The following ATG13 variants were observed in gnomAD, a reference collection of about 807,000 sequenced individuals.
The protein encoded by ATG13 is autophagy related 13.
A neutral mutation model predicts 65.5 loss-of-function variants in ATG13; 23 were observed. The observed-to-expected ratio is 0.35, with a 90% CI of 0.25 to 0.50. The LOEUF is 0.50. Among genes scored for constraint, ATG13 ranks in the 20% least tolerant of loss-of-function variants. The pLI, the probability that ATG13 is intolerant of heterozygous loss-of-function variation, is 0.98. For synonymous variants in ATG13, 252 were observed against 245.2 expected, an observed-to-expected ratio of 1.03 and a Z score of -0.26; for missense variants, 566 against 677.0, an observed-to-expected ratio of 0.84 and a Z score of 1.82.
intron 5 of ATG13, among the ~76,000 whole-genome samples, chr11:46,648,004 T>C (rs1298191894): frequency 6.6e-6 from 1 of 152,168 alleles, no homozygotes; most frequent in Non-Finnish European, 1.5e-5. Flanking sequence ...TGATAGATTA[T>C]AAGGCTGTAT....
intron 1 of ATG13, among the ~76,000 whole-genome samples, chr11:46,627,939 G>C (rs934965205): frequency 6.6e-6 from 1 of 152,010 alleles, no homozygotes; most frequent in African/African-American, 2.4e-5. Flanking sequence ...CAAAAAATTA[G>C]CTGGGTGTGG....
intron 2 of ATG13, among the ~76,000 whole-genome samples, chr11:46,636,188 A>AT (rs896891409): frequency 6.6e-5 from 10 of 152,196 alleles, no homozygotes; most frequent in African/African-American, 2.4e-4. Context: ...TATTCCAATA[A>AT]TTATTTCCTC....
intron 8 of ATG13, 114 bp from the exon 9 acceptor site, chr11:46,656,981 T>C (rs1439802598): frequency 1.2e-6 from 1 of 850,016 alleles, no homozygotes; most frequent in South Asian, 1.4e-5. Flanking sequence ...CTTAACATGC[T>C]AAGTGGATAA....
intron 1 of ATG13, among the ~76,000 whole-genome samples, chr11:46,623,262 C>G (rs1464540029): frequency 6.6e-6 from 1 of 151,976 alleles, no homozygotes; most frequent in African/African-American, 2.4e-5. Context: ...CCACTGCACT[C>G]CAGTCTGGGC....
At position 46,649,158 on chromosome 11, in the gene ATG13, A is replaced by G; in HGVS notation, c.292A>G (p.Ile98Val). The G allele has an allele frequency of 1.2e-6, 2 of 1,613,330 alleles. No homozygotes were observed. Among genetic ancestry groups the G allele is most frequent in the Admixed American group, 1.7e-5 (1 of 59,952 alleles). Residue 98 changes from isoleucine (I) to valine (V), a missense_variant, in exon 6 of 19, where the codon ATA (isoleucine) becomes GTA (valine). Physicochemically the swap from Ile to Val is conservative, Grantham distance 29. Around this residue, in one of 2 missense-constraint regions of ATG13, gnomAD observed 179 missense variants for 267.2 expected, o/e 0.67. Coordinates refer to ENST00000683050, the MANE Select transcript of ATG13 (RefSeq NM_001346311.2). The part of the protein sequence containing the change: ...TSEGDSMELE[I>V]WCLEMNEKCD... ...ACAGGGAGATTCCATGGAGCTGGAA[A>G]TATGGTGTCTTGAAATGAATGAAAA...
intron 1 of ATG13, among the ~76,000 whole-genome samples, chr11:46,623,744 A>G (rs1040277877): frequency 1.3e-5 from 2 of 151,784 alleles, no homozygotes; most frequent in Non-Finnish European, 2.9e-5. Context: ...TAGTTTTTTT[A>G]TTTGTTAATT....
In ATG13 at chr11:46,650,162, C is replaced by G; in HGVS notation, c.318-15C>G. The G allele has an allele frequency of 6.2e-7, 1 of 1,612,650 alleles. No homozygotes were observed. The highest frequency in any genetic ancestry group is 8.5e-7 in the Non-Finnish European group (1 of 1,179,000). On this transcript the variant is annotated splice_polypyrimidine_tract_variant and intron_variant, in intron 6 of 18. Transcript: ENST00000683050. ...CTAAATAGAAGAATGCTGACCATAT[C>G]TTTGTGCCTGGCAGGTGTGATAAAG... is the stretch of plus-strand genomic sequence containing the variant.
intron 1 of ATG13, among the ~76,000 whole-genome samples, chr11:46,621,315 A>G (rs2047435393): frequency 6.6e-6 from 1 of 152,050 alleles, no homozygotes; most frequent in South Asian, 2.1e-4. Context: ...GCCCAGCCAT[A>G]TTTGTTTATT....
chr11:46,665,539 C>A lies in ATG13; in HGVS notation c.1136+20C>A, dbSNP rs751472075. The A allele has an allele frequency of 1.2e-6, 2 of 1,613,458 alleles. No individual in the cohort carries two copies. Among genetic ancestry groups the A allele is most frequent in the Admixed American group, 3.3e-5 (2 of 59,934 alleles). On this transcript the variant is annotated intron_variant, in intron 14 of 18. Coordinates refer to ENST00000683050, the MANE Select transcript of ATG13 (RefSeq NM_001346311.2). The stretch of plus-strand genomic sequence containing the variant: ...CAGTAGGTGAGTTCACATTTTGGCT[C>A]TGTCTCTGGTAAGGCTGGCCAGGGG...
Position 46,672,604 on chromosome 11 carries a change from G to A in ATG13, c.*272G>A. On this transcript the variant is annotated 3_prime_UTR_variant, in exon 19 of 19. Coordinates refer to ENST00000683050, the MANE Select transcript of ATG13 (RefSeq NM_001346311.2). Reference sequence around the variant, plus strand: ...GAAAAAGCCCTCAGCAGGGCCATCTGTGTGCCCTGCCCATCACCAACTGCT... The same window carrying A: ...GAAAAAGCCCTCAGCAGGGCCATCTATGTGCCCTGCCCATCACCAACTGCT... 2.1e-6 allele frequency: 3 copies of A among 1,422,816 alleles called. No individual in the cohort carries two copies. The allele number at this position is 1,422,816 out of a possible 1,614,324, so 88.1% of individuals were successfully genotyped here.
intron 17 of ATG13, 131 bp downstream of exon 17, chr11:46,669,041 G>T: frequency 1.2e-6 from 1 of 814,090 alleles, no homozygotes; most frequent in Non-Finnish European, 2.0e-6. Context: ...ATGGACAGGT[G>T]GAGTCTGGTC....
In ATG13 at chr11:46,632,717, G is replaced by GC. The variant is rs1565445755; in HGVS notation, c.-14+2621dup. On this transcript the variant is annotated intron_variant, in intron 2 of 18. Transcript: ENST00000683050. Reference sequence around the variant, plus strand: ...TGGCAGTAGAACCACAAAACCACTTGCCCCTGTGGTAGAGAAGGATGTGTG... The same window carrying GC: ...TGGCAGTAGAACCACAAAACCACTTGCCCCCTGTGGTAGAGAAGGATGTGTG... 2.0e-5 allele frequency among the ~76,000 whole-genome samples: 3 copies of GC among 152,176 alleles called. 1 individual carries two copies. Among genetic ancestry groups the GC allele is most frequent in the Admixed American group, 2.0e-4 (3 of 15,280 alleles).
At chr11:46,661,924 A>G (rs2061308722) in intron 11 of ATG13, among the ~76,000 whole-genome samples, 1 of 152,208 alleles carries the variant, frequency 6.6e-6, no homozygotes, top group Non-Finnish European at 1.5e-5. Flanking sequence ...ATGGATCACT[A>G]TTGTTTCTAT....
intron 3 of ATG13, among the ~76,000 whole-genome samples, 162 bp downstream of exon 3, chr11:46,644,522 G>A (rs1313205075): frequency 6.6e-6 from 1 of 151,740 alleles, no homozygotes; most frequent in Non-Finnish European, 1.5e-5. Flanking sequence ...GTATGGGGGC[G>A]GTATTGGGGG....
At chr11:46,645,493 A>C in intron 4 of ATG13, 74 bp downstream of exon 4, 1 of 1,183,868 alleles carries the variant, frequency 8.4e-7, no homozygotes, top group South Asian at 1.3e-5. Context: ...CTCAAGTGCA[A>C]TAATAAGTAA....
intron 7 of ATG13, among the ~76,000 whole-genome samples, chr11:46,655,919 A>G (rs1302249565): frequency 2.0e-5 from 3 of 152,106 alleles, no homozygotes; most frequent in South Asian, 2.1e-4. Context: ...TTTTTTGTCA[A>G]TGCAGGGTCT....
At chr11:46,649,316 G>C (rs2058427426) in intron 6 of ATG13, 133 bp downstream of exon 6, 2 of 969,380 alleles carry the variant, frequency 2.1e-6, no homozygotes, top group Non-Finnish European at 3.0e-6. Flanking sequence ...ATAGGTCTTT[G>C]CTACAATTTG....
intron 2 of ATG13, among the ~76,000 whole-genome samples, chr11:46,642,351 G>A (rs1360420231): frequency 2.1e-5 from 3 of 140,938 alleles, no homozygotes; most frequent in Non-Finnish European, 4.5e-5. Context: ...TGCCACCCAG[G>A]CTGGAGTGCA....
At chr11:46,633,324 A>C (rs1009257292) in intron 2 of ATG13, among the ~76,000 whole-genome samples, 6 of 151,228 alleles carry the variant, frequency 4.0e-5, no homozygotes, top group African/African-American at 7.3e-5. Flanking sequence ...CCCAGCCCCC[A>C]AAAATTTTAT....
Sources: gnomAD v4.1 joint callset for allele counts (sites outside exome capture counted in the v4.1 genomes callset) on GRCh38, gnomAD v4.1.1 for gene constraint, gnomAD v4.1.1 regional missense constraint, MANE v1.5 for transcripts, NCBI Gene and HGNC (gene_info 2026-07-23, HGNC 2026-07-21) for gene names.